ITCH: variants seen among roughly 807,000 people sequenced by gnomAD.
ITCH encodes the protein itchy E3 ubiquitin protein ligase, also known as E3 ubiquitin-protein ligase Itchy homolog.
A neutral mutation model predicts 126.8 loss-of-function variants in ITCH; 28 were observed. That is an observed-to-expected ratio of 0.22 (90% confidence interval 0.16 to 0.30). The LOEUF is 0.30. Ranked by LOEUF, ITCH falls within the 10% of genes least tolerant of loss-of-function variation. The pLI, the probability that ITCH is intolerant of heterozygous loss-of-function variation, is 1.00. For synonymous variants in ITCH, 342 were observed against 340.0 expected (o/e 1.01, Z -0.06); for missense variants, 631 against 1,032.4 (o/e 0.61, Z 5.33).
intron 3 of ITCH, among the ~76,000 whole-genome samples, chr20:34,405,351 AAAC>A (rs2039023357): frequency 6.6e-6 from 1 of 152,066 alleles, no homozygotes; most frequent in South Asian, 2.1e-4. Context: ...CTAAAAATAC[AAAC>A]ATTAGCTGGG....
chr20:34,490,210 G>A (rs1989413005), intron 22 of ITCH, among the ~76,000 whole-genome samples: 1 of 152,156 alleles, frequency 6.6e-6, no homozygotes, highest in East Asian at 1.9e-4. Context: ...TTATAGGACT[G>A]TCTGTAGTAT....
intron 23 of ITCH, among the ~76,000 whole-genome samples, chr20:34,498,479 C>A (rs560668620): frequency 5.7e-4 from 87 of 152,156 alleles, no homozygotes; most frequent in African/African-American, 1.9e-3. Flanking sequence ...TAATATATAG[C>A]CTTTATTATG....
At chr20:34,425,513 T>C (rs908764509) in intron 7 of ITCH, among the ~76,000 whole-genome samples, 21 of 152,182 alleles carry the variant, frequency 1.4e-4, no homozygotes, top group African/African-American at 4.8e-4. Flanking sequence ...TCCCTGGGAA[T>C]GGAATGTCGG....
intron 2 of ITCH, among the ~76,000 whole-genome samples, chr20:34,377,749 C>A (rs1185300882): frequency 6.6e-6 from 1 of 151,862 alleles, no homozygotes; most frequent in Non-Finnish European, 1.5e-5. Flanking sequence ...CACCTGTAGT[C>A]CCAGCTACCC....
At chr20:34,456,063 CTTATA>C (rs1985872730) in intron 12 of ITCH, among the ~76,000 whole-genome samples, 1 of 148,690 alleles carries the variant, frequency 6.7e-6, no homozygotes, top group Non-Finnish European at 1.5e-5. Flanking sequence ...TAGCATATAC[CTTATA>C]TTATATTCCT....
chr20:34,404,124 T>TTGTAAACAAC (rs2038973561), intron 3 of ITCH, among the ~76,000 whole-genome samples: 1 of 151,994 alleles, frequency 6.6e-6, no homozygotes, highest in Admixed American at 6.6e-5. Flanking sequence ...GTAAAAACAG[T>TTGTAAACAAC]TGTTTAGAGG....
intron 7 of ITCH, among the ~76,000 whole-genome samples, chr20:34,435,308 A>G (rs1469388832): frequency 1.3e-5 from 2 of 152,024 alleles, no homozygotes; most frequent in Admixed American, 6.6e-5. Flanking sequence ...AGCTGGGACT[A>G]TAGGCGCATG....
chr20:34,444,885 G>A (rs1346417550), intron 10 of ITCH, among the ~76,000 whole-genome samples: 2 of 152,166 alleles, frequency 1.3e-5, no homozygotes, highest in Non-Finnish European at 1.5e-5. Flanking sequence ...CAAGTGATCC[G>A]CCTGCTTTGG....
At chr20:34,423,665 G>A (rs928320307) in intron 6 of ITCH, among the ~76,000 whole-genome samples, 2 of 152,112 alleles carry the variant, frequency 1.3e-5, no homozygotes, top group East Asian at 3.9e-4. Flanking sequence ...GTGCAATGGC[G>A]CGATCTTGGC....
intron 4 of ITCH, among the ~76,000 whole-genome samples, chr20:34,409,042 T>C (rs1367824294): frequency 1.3e-5 from 2 of 151,424 alleles, no homozygotes; most frequent in African/African-American, 4.9e-5. Flanking sequence ...CTCTTGTCAC[T>C]GAACAATAGC....
At position 34,396,733 on chromosome 20, in the gene ITCH, C is replaced by T. The variant is rs554106233; in HGVS notation, c.70+2852C>T. ...GCTAATGATATTGTCTTTTCATGTG[C>T]TTATTGGTCATTTTTGTATCTTTTT... On this transcript the variant is annotated intron_variant, in intron 3 of 24. Coordinates refer to ENST00000374864, the MANE Select transcript of ITCH (RefSeq NM_031483.7). 4.6e-4 allele frequency among the ~76,000 whole-genome samples: 70 copies of T among 152,214 alleles called. 1 individual carries two copies. The highest frequency in any genetic ancestry group is 1.7e-3 in the African/African-American group (70 of 41,516).
At chr20:34,470,718 C>G (rs1350416710) in intron 15 of ITCH, among the ~76,000 whole-genome samples, 1 of 152,030 alleles carries the variant, frequency 6.6e-6, no homozygotes, top group Non-Finnish European at 1.5e-5. Flanking sequence ...TCAGCCTTCT[C>G]GCTAGCTGAC....
At chr20:34,426,457 G>GT (rs1441992279) in intron 7 of ITCH, among the ~76,000 whole-genome samples, 1 of 149,398 alleles carries the variant, frequency 6.7e-6, no homozygotes, top group Non-Finnish European at 1.5e-5. Flanking sequence ...TTGTTTTTTT[G>GT]TTTTTTTAGA....
chr20:34,502,795 G>A (rs936754786), intron 23 of ITCH, among the ~76,000 whole-genome samples: 3 of 152,114 alleles, frequency 2.0e-5, no homozygotes, highest in Non-Finnish European at 2.9e-5. Context: ...AAGGTGGGTT[G>A]ATCACTTGAG....
intron 2 of ITCH, among the ~76,000 whole-genome samples, chr20:34,388,843 A>G (rs983846498): frequency 2.0e-5 from 3 of 152,326 alleles, no homozygotes; most frequent in East Asian, 3.9e-4. Flanking sequence ...TCTTAGGTCT[A>G]TGAAGATAAC....
At chr20:34,410,286 T>A (rs566328345) in intron 4 of ITCH, among the ~76,000 whole-genome samples, 1 of 151,900 alleles carries the variant, frequency 6.6e-6, no homozygotes, top group Non-Finnish European at 1.5e-5. Context: ...GAGAATTGGT[T>A]GAACCTGGTA....
Position 34,424,599 on chromosome 20 carries a change from TC to T in ITCH, c.521+75del. On this transcript the variant is annotated intron_variant, in intron 7 of 24. Coordinates refer to ENST00000374864, the MANE Select transcript of ITCH (RefSeq NM_031483.7). ...CTAAATATTCATTTTAGTGTAAACT[TC>T]AGGTTCATGATATAAGAATAAATGA... 4 of 1,217,862 alleles carry T rather than the reference TC, an allele frequency of 3.3e-6. No homozygotes were observed. In the Admixed American group the frequency reaches 6.8e-5, roughly 21 times the overall value. The allele number at this position is 1,217,862 out of a possible 1,614,324, so 75.4% of individuals were successfully genotyped here.
chr20:34,479,868 T>C (rs190483685), intron 18 of ITCH, 79 bp downstream of exon 18: 1,913 of 1,255,784 alleles, frequency 1.5e-3, no homozygotes, highest in Admixed American at 2.1e-3. Flanking sequence ...TAACAGATCA[T>C]ATGAGAGAAA....
chr20:34,382,696 C>T (rs1283137396), intron 2 of ITCH, among the ~76,000 whole-genome samples: 1 of 150,126 alleles, frequency 6.7e-6, no homozygotes, highest in Non-Finnish European at 1.5e-5. Context: ...GTGTGAGCCA[C>T]CACGCTCAGC....
Sources: gnomAD v4.1 joint callset for allele counts (sites outside exome capture counted in the v4.1 genomes callset) on GRCh38, gnomAD v4.1.1 for gene constraint, MANE v1.5 for transcripts, NCBI Gene and HGNC (gene_info 2026-07-23, HGNC 2026-07-21) for gene names.